EMILIN2: variants seen among roughly 807,000 people sequenced by gnomAD.
EMILIN2 encodes elastin microfibril interfacer 2, also known as EMILIN-2.
A neutral mutation model predicts 87.1 loss-of-function variants in EMILIN2; 71 were observed. The ratio of observed to expected loss-of-function variants is 0.82; its 90% confidence interval spans 0.67 to 0.99. EMILIN2 has a LOEUF of 0.99. Among genes scored for constraint, EMILIN2 ranks in the 50% least tolerant of loss-of-function variants. The pLI, the probability that EMILIN2 is intolerant of heterozygous loss-of-function variation, is 0.00. For missense variants in EMILIN2, 1,407 were observed against 1,371.8 expected (o/e 1.03, Z -0.40); for synonymous variants, 581 against 563.4 (o/e 1.03, Z -0.44).
At position 2,906,777 on chromosome 18, in the gene EMILIN2, C is replaced by T. The variant is rs1724975940; in HGVS notation, c.2360-6C>T. ...CGTGTGTTTCTTTCTCCCCGACGCC[C>T]GGCAGAGGCGCCCTCGCCCCCGCCG... On this transcript the variant is annotated splice_polypyrimidine_tract_variant and splice_region_variant and intron_variant, in intron 4 of 7. Transcript: ENST00000254528. 5 of 1,259,932 alleles carry T rather than the reference C, an allele frequency of 4.0e-6. No individual in the cohort carries two copies. The highest frequency in any genetic ancestry group is 4.3e-5 in the Admixed American group (1 of 23,302). 78.0% of individuals were successfully genotyped at this position (1,259,932 alleles called of 1,614,324 possible). A position where few individuals can be genotyped will look rare whatever the true frequency, so the allele number is the denominator to read the frequency against.
chr18:2,911,762 G>A (rs573115215), intron 7 of EMILIN2, among the ~76,000 whole-genome samples: 18 of 152,294 alleles, frequency 1.2e-4, no homozygotes, highest in Middle Eastern at 3.4e-3. Context: ...CTATAGTCTC[G>A]CATTCCCAGA....
At chr18:2,900,316 T>C (rs760456743) in intron 4 of EMILIN2, among the ~76,000 whole-genome samples, 32 of 152,186 alleles carry the variant, frequency 2.1e-4, no homozygotes, top group Admixed American at 1.3e-4. Flanking sequence ...GCCTCCTGAA[T>C]AGCCAGAACT....
At position 2,880,338 on chromosome 18, in the gene EMILIN2, G is replaced by C. The variant is rs565453439; in HGVS notation, c.258-4626G>C. On this transcript the variant is annotated intron_variant, in intron 2 of 7. Coordinates refer to ENST00000254528, the MANE Select transcript of EMILIN2 (RefSeq NM_032048.3). This position sits in a 1 kb window ranked among gnomAD's most constrained non-coding sequence, Gnocchi z 4.1. The stretch of plus-strand genomic sequence containing the variant: ...TGGGCCAGTCTAGTGTCTTGACACG[G>C]TTGCTGAACCCATTAAAATGGGAAA... Among the ~76,000 whole-genome samples the C allele has an allele frequency of 1.3e-5, 2 of 152,168 alleles. No homozygotes were observed. Among genetic ancestry groups the C allele is most frequent in the Non-Finnish European group, 2.9e-5 (2 of 68,032 alleles).
At chr18:2,899,544 A>G (rs529454111) in intron 4 of EMILIN2, among the ~76,000 whole-genome samples, 15 of 152,132 alleles carry the variant, frequency 9.9e-5, no homozygotes, top group South Asian at 2.1e-4. Context: ...TTGCTCTGTC[A>G]CCCAGGCTGG....
At chr18:2,908,104 T>C (rs550626505) in intron 5 of EMILIN2, among the ~76,000 whole-genome samples, 1 of 152,358 alleles carries the variant, frequency 6.6e-6, no homozygotes, top group East Asian at 1.9e-4. Context: ...TGAGCTGCGG[T>C]GATCACAGCT....
intron 2 of EMILIN2, among the ~76,000 whole-genome samples, chr18:2,873,574 G>C (rs1210550707): frequency 6.6e-6 from 1 of 151,680 alleles, no homozygotes; most frequent in East Asian, 1.9e-4. Context: ...GGGCGTGGTG[G>C]CGGGCGCCTG....
rs71159019 is a variant in EMILIN2 at position 2,889,120 on chromosome 18, ATTTC to A, written c.434-1433_434-1430del. On this transcript the variant is annotated intron_variant, in intron 3 of 7. Coordinates refer to ENST00000254528, the MANE Select transcript of EMILIN2 (RefSeq NM_032048.3). ...TTCTTTTTCTTTTTCTTTCCTTTTCATTTCTTTCTTTTCTTTTTTTTTTTTTTTT... is the reference window on the plus strand; with the variant it reads ...TTCTTTTTCTTTTTCTTTCCTTTTCATTTCTTTTCTTTTTTTTTTTTTTTT... Among the ~76,000 whole-genome samples, 483 of 99,260 alleles carry A rather than the reference ATTTC, an allele frequency of 4.9e-3. 3 individuals are homozygous for A. The highest frequency in any genetic ancestry group is 6.7e-3 in the Non-Finnish European group (329 of 48,906). The allele number at this position is 99,260 out of a possible 152,430, so 65.1% of individuals were successfully genotyped here.
chr18:2,888,810 G>A (rs944845427), intron 3 of EMILIN2, among the ~76,000 whole-genome samples: 1 of 151,884 alleles, frequency 6.6e-6, no homozygotes, highest in Non-Finnish European at 1.5e-5. Context: ...ATGATTCTTG[G>A]GGATTTGGAT....
intron 2 of EMILIN2, among the ~76,000 whole-genome samples, chr18:2,850,083 T>G (rs938890608): frequency 6.8e-6 from 1 of 147,636 alleles, no homozygotes; most frequent in Non-Finnish European, 1.5e-5. Flanking sequence ...TGTGCCACCA[T>G]GCCCAGCTAA....
chr18:2,897,223 G>C (rs2076867757), intron 4 of EMILIN2, among the ~76,000 whole-genome samples: 1 of 152,200 alleles, frequency 6.6e-6, no homozygotes, highest in African/African-American at 2.4e-5. Flanking sequence ...TTTTGAGCTG[G>C]GGAGTGATTA....
rs983232953 is a variant in EMILIN2, at chr18:2,907,096, G to A, written c.2662+11G>A. 9 of 1,235,486 alleles carry A rather than the reference G, an allele frequency of 7.3e-6. No homozygotes were observed. The highest frequency in any genetic ancestry group is 6.1e-6 in the Non-Finnish European group (6 of 990,472). 76.5% of individuals were successfully genotyped at this position (1,235,486 alleles called of 1,614,324 possible). ...TCGCGGGCGCACCAGGTGAGGCCCG[G>A]GGCTGCGCGGGGAGGAGCGCGGGGC... On this transcript the variant is annotated intron_variant, in intron 5 of 7. Coordinates refer to ENST00000254528, the MANE Select transcript of EMILIN2 (RefSeq NM_032048.3).
Position 2,908,622 on chromosome 18 carries a change from T to C in EMILIN2, c.2663-321T>C, listed in dbSNP as rs545322119. On this transcript the variant is annotated intron_variant, in intron 5 of 7. Transcript: ENST00000254528. ...AACACTGCTAGAGGGCAAATGTTAG[T>C]TGGCTTGTGTGACTCTCTCAGTCAC... Among the ~76,000 whole-genome samples, 4 of 152,350 alleles carry C rather than the reference T, an allele frequency of 2.6e-5. No individual in the cohort carries two copies. In the South Asian group the frequency reaches 8.3e-4, roughly 32 times the overall value.
At chr18:2,851,469 G>A (rs139678440) in intron 2 of EMILIN2, among the ~76,000 whole-genome samples, 1 of 152,124 alleles carries the variant, frequency 6.6e-6, no homozygotes, top group Non-Finnish European at 1.5e-5. Context: ...CCTATCTGGG[G>A]ACAGAAGTAA....
Position 2,908,986 on chromosome 18 carries a change from TGA to T in EMILIN2, c.2695+16_2695+17del, listed in dbSNP as rs781169852. ...CTGTAGCTTCCCCAGGTATGTCTGC[TGA>T]GAGACCAGGAGCAGGAGGAGCGGTC... On this transcript the variant is annotated intron_variant, in intron 6 of 7. Transcript: ENST00000254528. The T allele has an allele frequency of 2.5e-6, 4 of 1,613,146 alleles. No homozygotes were observed. The highest frequency in any genetic ancestry group is 1.3e-5 in the African/African-American group (1 of 74,878).
At chr18:2,850,093 A>ATT (rs71366611) in intron 2 of EMILIN2, among the ~76,000 whole-genome samples, 3,573 of 122,454 alleles carry the variant, frequency 0.029, 142 homozygotes, top group African/African-American at 0.094. Flanking sequence ...TGCCCAGCTA[A>ATT]TTTTTTTTTT....
At chr18:2,889,133 C>CTTTTCTTTTTT (rs2076819032) in intron 3 of EMILIN2, among the ~76,000 whole-genome samples, 41 of 84,320 alleles carry the variant, frequency 4.9e-4, no homozygotes, top group African/African-American at 1.9e-3. Context: ...TCTTTCTTTT[C>CTTTTCTTTTTT]TTTTTTTTTT....
intron 4 of EMILIN2, among the ~76,000 whole-genome samples, chr18:2,899,538 TCTGTCACCCAGG>T (rs1049580778): frequency 6.6e-6 from 1 of 152,130 alleles, no homozygotes; most frequent in African/African-American, 2.4e-5. Flanking sequence ...GGAGTCTTGC[TCTGTCACCCAGG>T]CTGGAGTGCA....
At chr18:2,873,753 G>C (rs898685137) in intron 2 of EMILIN2, among the ~76,000 whole-genome samples, 1 of 151,984 alleles carries the variant, frequency 6.6e-6, no homozygotes, top group Non-Finnish European at 1.5e-5. Context: ...GGAAAAAATC[G>C]TGAACAGATG....
intron 2 of EMILIN2, among the ~76,000 whole-genome samples, chr18:2,872,164 C>T (rs979184753): frequency 9.9e-5 from 15 of 152,126 alleles, no homozygotes; most frequent in African/African-American, 2.9e-4. Flanking sequence ...CAAGAAAGGC[C>T]GTGGTGCCTG....
Sources: allele counts gnomAD v4.1 joint callset (sites outside exome capture counted in the v4.1 genomes callset), GRCh38; gene constraint gnomAD v4.1.1; non-coding constraint Gnocchi (gnomAD v3.1); transcripts MANE v1.5; gene names NCBI Gene and HGNC (gene_info 2026-07-23, HGNC 2026-07-21).